TXLNG: variants seen among roughly 807,000 people sequenced by gnomAD.
The protein encoded by TXLNG is taxilin gamma.
Under a neutral mutation model 38.8 loss-of-function variants are expected in TXLNG, and 5 were observed. The ratio of observed to expected loss-of-function variants is 0.13; its 90% CI spans 0.07 to 0.27. The LOEUF is 0.27. TXLNG is among the 10% of genes least tolerant of loss of function. The probability of loss-of-function intolerance (pLI) is 1.00; values close to 1 mark genes in which losing one functional copy is unlikely to be tolerated. For synonymous variants in TXLNG, 182 were observed against 158.2 expected (o/e 1.15, Z -1.13); for missense variants, 393 against 398.2 (o/e 0.99, Z 0.11).
chrX:16,787,313 C>A (rs771448711), intron 1 of TXLNG, among the ~76,000 whole-genome samples: 3 of 112,037 alleles, frequency 2.7e-5, no homozygotes, highest in Non-Finnish European at 5.7e-5. Flanking sequence ...CTCGGTCCTG[C>A]AGAGTTGGGA....
Position 16,834,296 on chromosome X carries a change from C to T in TXLNG, c.998C>T (p.Ala333Val), listed in dbSNP as rs1010601125. The change falls in exon 7 of 10, where the codon GCG (alanine) becomes GTG (valine). Residue 333 changes from alanine to valine, a missense_variant. By Grantham distance (64) the Ala-to-Val change is moderately conservative. Transcript: ENST00000380122. ...TCTGTTTTCTAGTTATTAAAAGAAGCGACAGAATCGAGGCACAAATACGAA... is the reference window on the plus strand; with the variant it reads ...TCTGTTTTCTAGTTATTAAAAGAAGTGACAGAATCGAGGCACAAATACGAA... ...QREREFLLKE[A>V]TESRHKYEQM... 2.0e-5 allele frequency: 24 copies of T among 1,205,891 alleles called. No homozygotes were observed. The highest frequency in any genetic ancestry group is 2.5e-5 in the Non-Finnish European group (22 of 892,668).
chrX:16,799,198 GAAT>G (rs1927992304), intron 1 of TXLNG, among the ~76,000 whole-genome samples: 1 of 111,205 alleles, frequency 9.0e-6, no homozygotes. Flanking sequence ...TTTTAAGGTG[GAAT>G]AATATTCTAC....
chrX:16,828,356 A>G, intron 4 of TXLNG, 92 bp downstream of exon 4: 8 of 901,820 alleles, frequency 8.9e-6, no homozygotes, highest in Non-Finnish European at 1.5e-6. Flanking sequence ...CCTTGTCTCT[A>G]CTTGGAGACA....
chrX:16,815,368 C>G (rs1173326389), intron 1 of TXLNG, among the ~76,000 whole-genome samples: 1 of 109,407 alleles, frequency 9.1e-6, no homozygotes, highest in Non-Finnish European at 1.9e-5. Flanking sequence ...AGAGACGGGA[C>G]TTCACCATGT....
In TXLNG at chrX:16,841,974, C is replaced by CA; in HGVS notation, c.*209dup. 2.4e-6 allele frequency: 1 copy of CA among 418,798 alleles called. No homozygotes were observed. The highest frequency in any genetic ancestry group is 4.5e-5 in the South Asian group (1 of 22,223). The allele number at this position is 418,798 out of a possible 1,213,427, so 34.5% of individuals were successfully genotyped here. On this transcript the variant is annotated 3_prime_UTR_variant, in exon 10 of 10. Coordinates refer to ENST00000380122, the MANE Select transcript of TXLNG (RefSeq NM_018360.3). The stretch of plus-strand genomic sequence containing the variant: ...AATTTTCCTCAGCTGTGTTGCACAT[C>CA]AGCCTCGTTCTCCCTCCACTGGAAT...
At chrX:16,808,002 T>C (rs762673857) in intron 1 of TXLNG, among the ~76,000 whole-genome samples, 3 of 112,289 alleles carry the variant, frequency 2.7e-5, no homozygotes, top group Non-Finnish European at 5.6e-5. Flanking sequence ...TCATGTTCAT[T>C]TGCAAAAATT....
At chrX:16,838,878 G>A (rs1929696621) in intron 8 of TXLNG, among the ~76,000 whole-genome samples, 1 of 111,774 alleles carries the variant, frequency 8.9e-6, no homozygotes, top group African/African-American at 3.3e-5. Context: ...GATCACCATG[G>A]GTCAGCAGTC....
Position 16,806,395 on chromosome X carries a change from G to A in TXLNG, c.103-12179G>A, listed in dbSNP as rs149279476. On this transcript the variant is annotated intron_variant, in intron 1 of 9. Coordinates refer to ENST00000380122, the MANE Select transcript of TXLNG (RefSeq NM_018360.3). ...CATGGTTGCACATACACTGTTGTCC[G>A]TACACTCCTGGTTGAAGTTAACAAC... Among the ~76,000 whole-genome samples, 940 of 112,442 alleles carry A rather than the reference G, an allele frequency of 8.4e-3. 10 individuals are homozygous for A. The highest frequency in any genetic ancestry group is 0.029 in the African/African-American group (886 of 31,006).
intron 1 of TXLNG, among the ~76,000 whole-genome samples, chrX:16,792,818 C>T (rs1390438885): frequency 9.1e-6 from 1 of 109,659 alleles, no homozygotes; most frequent in Non-Finnish European, 1.9e-5. Flanking sequence ...AAGTATAGGC[C>T]AGGCACAGTG....
Position 16,786,494 on chromosome X carries a change from A to G in TXLNG, c.7A>G (p.Thr3Ala), listed in dbSNP as rs1158344783. 4 of 1,115,194 alleles carry G rather than the reference A, an allele frequency of 3.6e-6. No individual in the cohort carries two copies. The highest frequency in any genetic ancestry group is 4.7e-6 in the Non-Finnish European group (4 of 850,186). 91.9% of individuals were successfully genotyped at this position (1,115,194 alleles called of 1,213,427 possible). ...TGGCTGCTGCCGTCACCTCATGGCG[A>G]CGCGGGTAGAGGAGGCAGCGCGGGG... MA[T>A]RVEEAARGRG... Residue 3 changes from threonine to alanine, a missense_variant, in exon 1 of 10, where the codon ACG becomes GCG. Transcript: ENST00000380122.
In TXLNG at chrX:16,818,685, G is replaced by C; in HGVS notation, c.214G>C (p.Gly72Arg). The change falls in exon 2 of 10, where the codon GGT becomes CGT. Residue 72 changes from glycine to arginine, a missense_variant. Gly to Arg is a moderately radical substitution (Grantham distance 125, BLOSUM62 -2). Coordinates refer to ENST00000380122, the MANE Select transcript of TXLNG (RefSeq NM_018360.3). ...DILQHQGSNCGGTSNKHSLEE... is the reference protein window; with the variant it reads ...DILQHQGSNCRGTSNKHSLEE... Reference sequence around the variant, plus strand: ...TCTTCAACATCAAGGCTCAAATTGTGGTGGCACAAGTAACAAGCATTCATT... The same window carrying C: ...TCTTCAACATCAAGGCTCAAATTGTCGTGGCACAAGTAACAAGCATTCATT... The C allele has an allele frequency of 4.1e-6, 5 of 1,211,719 alleles. No individual in the cohort carries two copies. Among genetic ancestry groups the C allele is most frequent in the Non-Finnish European group, 5.6e-6 (5 of 895,555 alleles).
chrX:16,801,950 CTTTTTTTTTT>C (rs56071399), intron 1 of TXLNG, among the ~76,000 whole-genome samples: 1 of 45,260 alleles, frequency 2.2e-5, no homozygotes, highest in African/African-American at 8.4e-5. Context: ...TTCTTTCTTT[CTTTTTTTTTT>C]TTTTTTTTTT....
chrX:16,810,587 A>G (rs1928475984), intron 1 of TXLNG, among the ~76,000 whole-genome samples: 1 of 112,502 alleles, frequency 8.9e-6, no homozygotes, highest in Non-Finnish European at 1.9e-5. Context: ...TCATTAGCAA[A>G]TGTAAAAAAT....
intron 1 of TXLNG, among the ~76,000 whole-genome samples, chrX:16,808,905 G>C (rs1157569730): frequency 1.8e-5 from 2 of 111,617 alleles, no homozygotes; most frequent in Non-Finnish European, 3.8e-5. Context: ...GGTAAGAAAT[G>C]AATTTGCTGG....
intron 3 of TXLNG, 94 bp downstream of exon 3, chrX:16,820,349 C>A: frequency 6.5e-6 from 4 of 613,717 alleles, no homozygotes; most frequent in Non-Finnish European, 1.0e-5. Flanking sequence ...TTGATATGGC[C>A]TTAAATGTAA....
At chrX:16,805,424 A>T (rs1319823028) in intron 1 of TXLNG, among the ~76,000 whole-genome samples, 1 of 91,876 alleles carries the variant, frequency 1.1e-5, no homozygotes, top group African/African-American at 3.9e-5. Flanking sequence ...AAATAAAAAA[A>T]CCAAAACAAC....
intron 8 of TXLNG, among the ~76,000 whole-genome samples, chrX:16,838,034 A>G (rs1305655831): frequency 8.9e-6 from 1 of 111,959 alleles, no homozygotes; most frequent in Non-Finnish European, 1.9e-5. Context: ...TTGGAGATTA[A>G]CTATTGAAAG....
At chrX:16,818,178 A>G (rs1928812426) in intron 1 of TXLNG, among the ~76,000 whole-genome samples, 1 of 110,977 alleles carries the variant, frequency 9.0e-6, no homozygotes, top group African/African-American at 3.3e-5. Context: ...TGGGGTTTTG[A>G]TGGATAGCTA....
intron 1 of TXLNG, among the ~76,000 whole-genome samples, chrX:16,790,968 C>T (rs1927679433): frequency 8.9e-6 from 1 of 111,819 alleles, no homozygotes; most frequent in Non-Finnish European, 1.9e-5. Flanking sequence ...AGCTCTGCAA[C>T]CTTGGGCAAG....
Sources: allele counts gnomAD v4.1 joint callset (sites outside exome capture counted in the v4.1 genomes callset), GRCh38; gene constraint gnomAD v4.1.1; transcripts MANE v1.5; gene names NCBI Gene and HGNC (gene_info 2026-07-23, HGNC 2026-07-21).